DLGAP2: variants seen among roughly 807,000 people sequenced by gnomAD.
The protein encoded by DLGAP2 is DLG associated protein 2.
A neutral mutation model predicts 100.3 loss-of-function variants in DLGAP2; 26 were observed. That is an observed-to-expected ratio of 0.26 (90% CI 0.19 to 0.36). The LOEUF is 0.36. Ranked by LOEUF, DLGAP2 falls within the 10% of genes least tolerant of loss-of-function variation. The pLI, the probability that DLGAP2 is intolerant of heterozygous loss-of-function variation, is 1.00. For synonymous variants in DLGAP2, 886 were observed against 630.1 expected, an observed-to-expected ratio of 1.41 and a Z score of -6.08; for missense variants, 1,858 against 1,453.2, an observed-to-expected ratio of 1.28 and a Z score of -4.53.
intron 3 of DLGAP2, among the ~76,000 whole-genome samples, chr8:1,344,641 A>G (rs1414141199): frequency 6.6e-6 from 1 of 152,172 alleles, no homozygotes; most frequent in Non-Finnish European, 1.5e-5. Context: ...TCTATCTGCT[A>G]CATCCTAACG....
chr8:1,592,217 G>A (rs901944704), intron 6 of DLGAP2, among the ~76,000 whole-genome samples: 8 of 152,182 alleles, frequency 5.3e-5, no homozygotes, highest in African/African-American at 1.9e-4. Flanking sequence ...GTTTAGTCCA[G>A]TTCACATTTA....
At chr8:1,364,867 G>A (rs1802073675) in intron 3 of DLGAP2, among the ~76,000 whole-genome samples, 1 of 152,200 alleles carries the variant, frequency 6.6e-6, no homozygotes, top group Admixed American at 6.5e-5. Flanking sequence ...CTTTTCCAGA[G>A]GAGGAGCAAA....
At chr8:830,444 C>G (rs929149595) in intron 1 of DLGAP2, among the ~76,000 whole-genome samples, 5 of 152,172 alleles carry the variant, frequency 3.3e-5, no homozygotes, top group African/African-American at 1.2e-4. Context: ...CACTTACTTC[C>G]AAGCCCCATG....
intron 1 of DLGAP2, among the ~76,000 whole-genome samples, chr8:742,192 C>T (rs2132557791): frequency 6.6e-6 from 1 of 152,268 alleles, no homozygotes; most frequent in South Asian, 2.1e-4. Context: ...CAGGGAAAGG[C>T]TTATTCATCT....
At chr8:1,113,003 C>G (rs544617940) in intron 2 of DLGAP2, among the ~76,000 whole-genome samples, 22 of 152,180 alleles carry the variant, frequency 1.4e-4, no homozygotes, top group Non-Finnish European at 2.6e-4. Context: ...TGTCTAAGAT[C>G]AGATGGTTGC....
chr8:778,309 G>T (rs545110256), intron 1 of DLGAP2, among the ~76,000 whole-genome samples: 40 of 152,324 alleles, frequency 2.6e-4, no homozygotes, highest in African/African-American at 9.1e-4. Flanking sequence ...TCGTAGCTCA[G>T]AGTAATTTGA....
At chr8:1,441,294 G>A (rs74753611) in intron 3 of DLGAP2, among the ~76,000 whole-genome samples, 2,100 of 152,124 alleles carry the variant, frequency 0.014, 49 homozygotes, top group African/African-American at 0.047. Context: ...ATAAAATTAC[G>A]TTACTTATGT....
intron 2 of DLGAP2, among the ~76,000 whole-genome samples, chr8:1,021,244 T>C (rs181389401): frequency 6.6e-6 from 1 of 152,160 alleles, no homozygotes; most frequent in African/African-American, 2.4e-5. Flanking sequence ...ATGGAACGCA[T>C]AGATTTGCTG....
intron 7 of DLGAP2, among the ~76,000 whole-genome samples, chr8:1,629,751 G>A (rs968280906): frequency 3.3e-5 from 5 of 152,212 alleles, no homozygotes; most frequent in African/African-American, 1.2e-4. Flanking sequence ...TATCTCATCC[G>A]AGGTGTGAAC....
chr8:1,182,484 A>C (rs532484225), intron 2 of DLGAP2, among the ~76,000 whole-genome samples: 1 of 152,310 alleles, frequency 6.6e-6, no homozygotes, highest in East Asian at 1.9e-4. Context: ...TAGCCCTAAC[A>C]GAATTGTGTC....
intron 3 of DLGAP2, among the ~76,000 whole-genome samples, chr8:1,495,809 G>C (rs899824180): frequency 6.6e-6 from 1 of 152,164 alleles, no homozygotes; most frequent in Admixed American, 6.5e-5. Context: ...GATGACGTGC[G>C]ATTCACTAAT....
intron 6 of DLGAP2, among the ~76,000 whole-genome samples, chr8:1,590,304 C>G (rs772318466): frequency 6.6e-6 from 1 of 152,186 alleles, no homozygotes; most frequent in African/African-American, 2.4e-5. Flanking sequence ...CAGGCCGTAC[C>G]AGAAGCAATC....
intron 6 of DLGAP2, among the ~76,000 whole-genome samples, chr8:1,601,330 C>A (rs1796616409): frequency 6.6e-6 from 1 of 152,196 alleles, no homozygotes; most frequent in South Asian, 2.1e-4. Context: ...GAGATGTCTC[C>A]CCATCAGGAG....
chr8:1,541,818 C>T (rs1339602743), intron 4 of DLGAP2, among the ~76,000 whole-genome samples: 1 of 152,216 alleles, frequency 6.6e-6, no homozygotes, highest in Non-Finnish European at 1.5e-5. Flanking sequence ...TAATTTATAC[C>T]TTGCTTCTTT....
intron 5 of DLGAP2, among the ~76,000 whole-genome samples, chr8:1,556,929 A>G (rs1563219543): frequency 6.6e-6 from 1 of 152,152 alleles, no homozygotes; most frequent in East Asian, 1.9e-4. Flanking sequence ...GCATTTCTCA[A>G]GCTCAGCACA....
chr8:951,847 C>G (rs1001596669), intron 2 of DLGAP2, among the ~76,000 whole-genome samples: 1 of 152,192 alleles, frequency 6.6e-6, no homozygotes, highest in African/African-American at 2.4e-5. Context: ...ATCTTACCCC[C>G]TTTTCCCACA....
intron 8 of DLGAP2, among the ~76,000 whole-genome samples, chr8:1,660,176 C>G (rs1031305740): frequency 7.9e-5 from 12 of 152,196 alleles, no homozygotes; most frequent in Non-Finnish European, 1.5e-4. Context: ...GGCCCCCACT[C>G]TCTTCTGGCT....
chr8:1,239,927 G>A (rs1377892577), intron 2 of DLGAP2, among the ~76,000 whole-genome samples: 4 of 134,058 alleles, frequency 3.0e-5, no homozygotes, highest in Non-Finnish European at 1.6e-5. Context: ...ATGGCACCGT[G>A]TCTAGTTCTC....
At chr8:1,063,038 T>C (rs1245176855) in intron 2 of DLGAP2, among the ~76,000 whole-genome samples, 1 of 152,218 alleles carries the variant, frequency 6.6e-6, no homozygotes, top group Non-Finnish European at 1.5e-5. Flanking sequence ...CCTGTGTTTT[T>C]CTATGCAAGC....
Sources: gnomAD v4.1 joint callset for allele counts (sites outside exome capture counted in the v4.1 genomes callset) on GRCh38, gnomAD v4.1.1 for gene constraint, MANE v1.5 for transcripts, NCBI Gene and HGNC (gene_info 2026-07-23, HGNC 2026-07-21) for gene names.